The following MARCHF1 variants were observed in gnomAD, a reference collection of about 807,000 sequenced individuals.
MARCHF1 encodes the protein E3 ubiquitin-protein ligase MARCHF1.
A neutral mutation model predicts 54.2 loss-of-function variants in MARCHF1; 40 were observed. That is an observed-to-expected ratio of 0.74 (90% CI 0.57 to 0.96). The LOEUF (loss-of-function observed/expected upper bound fraction) is 0.96, where lower values mean the gene tolerates loss of function less well. Among genes scored for constraint, MARCHF1 ranks in the 40% least tolerant of loss-of-function variants. The pLI, the probability that MARCHF1 is intolerant of heterozygous loss-of-function variation, is 0.00. For synonymous variants in MARCHF1, 236 were observed against 236.3 expected, an observed-to-expected ratio of 1.00 and a Z score of 0.01; for missense variants, 586 against 656.5, an observed-to-expected ratio of 0.89 and a Z score of 1.17.
chr4:163,736,135 T>C (rs750769529), intron 4 of MARCHF1, among the ~76,000 whole-genome samples: 5 of 152,192 alleles, frequency 3.3e-5, no homozygotes, highest in Non-Finnish European at 7.3e-5. Context: ...AATTTTCCTA[T>C]TAAGTAGAAA....
chr4:163,542,061 T>C (rs1316339437), intron 9 of MARCHF1, among the ~76,000 whole-genome samples: 2 of 152,250 alleles, frequency 1.3e-5, no homozygotes, highest in Non-Finnish European at 2.9e-5. Context: ...TTGATACATA[T>C]CTTGCTTTCT....
At chr4:163,643,920 T>G (rs1579150368) in intron 5 of MARCHF1, among the ~76,000 whole-genome samples, 1 of 152,164 alleles carries the variant, frequency 6.6e-6, no homozygotes, top group South Asian at 2.1e-4. Flanking sequence ...ATAGGAGTAA[T>G]GAAGAAAGGA....
chr4:163,525,045 G>C lies in MARCHF1; in HGVS notation c.*3703C>G, dbSNP rs1364312821. ...TTGGGCTGACTTAGGAAAGAAAAAA[G>C]GTTTTCATCTTTCTTAATTAAAGTA... On this transcript the variant is annotated 3_prime_UTR_variant, in exon 10 of 10. Coordinates refer to ENST00000514618, the MANE Select transcript of MARCHF1 (RefSeq NM_001394959.1). 1.3e-5 allele frequency: 2 copies of C among 151,764 alleles called. No individual in the cohort carries two copies. Among genetic ancestry groups the C allele is most frequent in the Non-Finnish European group, 2.9e-5 (2 of 67,954 alleles). 9.4% of individuals were successfully genotyped at this position (151,764 alleles called of 1,614,324 possible). A position where few individuals can be genotyped will look rare whatever the true frequency, so the allele number is the denominator to read the frequency against.
intron 1 of MARCHF1, among the ~76,000 whole-genome samples, chr4:164,344,745 C>T (rs1166870790): frequency 6.6e-6 from 1 of 152,086 alleles, no homozygotes; most frequent in Non-Finnish European, 1.5e-5. Context: ...TTTGGCAAAA[C>T]CTAACCTCTC....
At chr4:163,886,304 C>CATAGATAGATAG (rs10560054) in intron 3 of MARCHF1, among the ~76,000 whole-genome samples, 2 of 145,118 alleles carry the variant, frequency 1.4e-5, no homozygotes, top group Non-Finnish European at 3.0e-5. Flanking sequence ...TCTTAATAGA[C>CATAGATAGATAG]ATAGATAGAT....
At chr4:164,001,921 T>A (rs569997596) in intron 2 of MARCHF1, among the ~76,000 whole-genome samples, 19 of 151,912 alleles carry the variant, frequency 1.3e-4, no homozygotes, top group Admixed American at 9.9e-4. Flanking sequence ...AAAACAAATA[T>A]CAGAGTTTAC....
chr4:163,861,128 C>A (rs1347583030), intron 3 of MARCHF1, among the ~76,000 whole-genome samples: 2 of 152,086 alleles, frequency 1.3e-5, no homozygotes, highest in African/African-American at 4.8e-5. Context: ...AAGAAAGTAT[C>A]CACAAATGGC....
At chr4:164,316,455 G>C (rs967262795) in intron 1 of MARCHF1, among the ~76,000 whole-genome samples, 3 of 152,118 alleles carry the variant, frequency 2.0e-5, no homozygotes, top group African/African-American at 7.2e-5. Flanking sequence ...GGAAAGTTTT[G>C]TTTAGATATC....
chr4:164,177,437 T>C (rs894790171), intron 1 of MARCHF1, among the ~76,000 whole-genome samples: 21 of 152,124 alleles, frequency 1.4e-4, no homozygotes, highest in Non-Finnish European at 2.5e-4. Context: ...GCACGGAGAA[T>C]TGCATGGCTT....
At chr4:163,893,591 T>A (rs72685665) in intron 3 of MARCHF1, among the ~76,000 whole-genome samples, 12,470 of 152,210 alleles carry the variant, frequency 0.082, 568 homozygotes, top group Non-Finnish European at 0.11. Flanking sequence ...GAAAGGGAAC[T>A]CAAGTAAATG....
chr4:164,107,743 G>A (rs1162572995), intron 2 of MARCHF1, among the ~76,000 whole-genome samples: 1 of 151,902 alleles, frequency 6.6e-6, no homozygotes, highest in Non-Finnish European at 1.5e-5. Context: ...AGATAATCTA[G>A]AAGTGCAGTA....
chr4:163,685,716 A>G (rs1241701399), intron 5 of MARCHF1, among the ~76,000 whole-genome samples: 2 of 152,174 alleles, frequency 1.3e-5, no homozygotes, highest in African/African-American at 4.8e-5. Flanking sequence ...AGCCTCCCAA[A>G]GTGCTGGGAT....
chr4:163,984,136 C>G (rs547997416), intron 3 of MARCHF1, among the ~76,000 whole-genome samples: 1 of 152,032 alleles, frequency 6.6e-6, no homozygotes, highest in South Asian at 2.1e-4. Flanking sequence ...AGATCTCCAG[C>G]TACTTTGAAA....
rs527632289 is a variant in MARCHF1, at chr4:163,529,428, TA to T, written c.1340-383del. The stretch of plus-strand genomic sequence containing the variant: ...TGAACATAATGGAAGAATCAGAGTT[TA>T]AAATCCTTCTAAGAAGATGAGGTAT... On this transcript the variant is annotated intron_variant, in intron 9 of 9. Coordinates refer to ENST00000514618, the MANE Select transcript of MARCHF1 (RefSeq NM_001394959.1). 2.0e-5 allele frequency among the ~76,000 whole-genome samples: 3 copies of T among 152,144 alleles called. No homozygotes were observed. The South Asian group carries it at 6.2e-4, about 32-fold the overall frequency.
At chr4:164,159,522 G>C (rs998944844) in intron 1 of MARCHF1, among the ~76,000 whole-genome samples, 1 of 152,096 alleles carries the variant, frequency 6.6e-6, no homozygotes, top group Admixed American at 6.6e-5. Flanking sequence ...TTCTGTTACT[G>C]TACTTTACTT....
In MARCHF1 at chr4:163,854,296, G is replaced by A. The variant is rs555217647; in HGVS notation, c.-38-127C>T. The A allele has an allele frequency of 6.1e-6, 4 of 651,308 alleles. No homozygotes were observed. In the South Asian group the frequency reaches 7.5e-5, roughly 12 times the overall value. 40.3% of individuals were successfully genotyped at this position (651,308 alleles called of 1,614,324 possible). Reference sequence around the variant, plus strand: ...TTGAGACTTTTTTAAAAAAACCAGGGGTTACAAGGAGGAAAAGAAGAATAT... The same window carrying A: ...TTGAGACTTTTTTAAAAAAACCAGGAGTTACAAGGAGGAAAAGAAGAATAT... On this transcript the variant is annotated intron_variant, in intron 3 of 9. Transcript: ENST00000514618.
intron 2 of MARCHF1, among the ~76,000 whole-genome samples, chr4:164,042,740 G>C (rs1261658043): frequency 6.6e-6 from 1 of 152,144 alleles, no homozygotes; most frequent in African/African-American, 2.4e-5. Context: ...TCTGAGACAA[G>C]GTAATTCTCT....
intron 2 of MARCHF1, among the ~76,000 whole-genome samples, chr4:163,993,174 G>A (rs1753000786): frequency 6.6e-6 from 1 of 152,140 alleles, no homozygotes; most frequent in Middle Eastern, 3.4e-3. Context: ...AGCAAAACAA[G>A]CTTAGTGGAA....
rs187053509 is a variant in MARCHF1 at position 163,724,215 on chromosome 4, T to C, written c.112-23352A>G. On this transcript the variant is annotated intron_variant, in intron 4 of 9. Coordinates refer to ENST00000514618, the MANE Select transcript of MARCHF1 (RefSeq NM_001394959.1). Reference sequence around the variant, plus strand: ...AGATGGGGTTTTGGTGTGGATGTCCTTACTGTTAGTTTTCCTTCTAATGGT... The same window carrying C: ...AGATGGGGTTTTGGTGTGGATGTCCCTACTGTTAGTTTTCCTTCTAATGGT... Among the ~76,000 whole-genome samples the C allele has an allele frequency of 2.0e-5, 3 of 152,360 alleles. No homozygotes were observed. The East Asian group carries it at 5.8e-4, about 29-fold the overall frequency.
Sources: gnomAD v4.1 joint callset for allele counts (sites outside exome capture counted in the v4.1 genomes callset) on GRCh38, gnomAD v4.1.1 for gene constraint, MANE v1.5 for transcripts, NCBI Gene and HGNC (gene_info 2026-07-23, HGNC 2026-07-21) for gene names.